Variants in EGFLAM observed in about 807,000 individuals in gnomAD.
EGFLAM encodes the protein EGF like, fibronectin type III and laminin G domains, also known as pikachurin.
EGFLAM carries 79 observed loss-of-function variants against 113.1 expected under a neutral mutation model. The ratio of observed to expected loss-of-function variants is 0.70; its 90% CI spans 0.58 to 0.84. EGFLAM has a LOEUF of 0.84. EGFLAM is among the 40% of genes least tolerant of loss of function. The pLI is 0.00. For synonymous variants in EGFLAM, 504 were observed against 487.6 expected, an observed-to-expected ratio of 1.03 and a Z score of -0.44; for missense variants, 1,265 against 1,291.6, an observed-to-expected ratio of 0.98 and a Z score of 0.32.
intron 16 of EGFLAM, 140 bp from the exon 17 acceptor site, chr5:38,438,135 A>AT (rs1179725796): frequency 1.3e-6 from 1 of 778,356 alleles, no homozygotes; most frequent in Non-Finnish European, 1.9e-6. Flanking sequence ...AAAAAAAAAA[A>AT]AAAAAGTGGA....
intron 1 of EGFLAM, among the ~76,000 whole-genome samples, chr5:38,313,128 A>G (rs1393020646): frequency 6.6e-6 from 1 of 152,188 alleles, no homozygotes; most frequent in Non-Finnish European, 1.5e-5. Flanking sequence ...TAAAATATAC[A>G]GAAAAGTAGA....
At chr5:38,287,896 A>G (rs1758206222) in intron 1 of EGFLAM, among the ~76,000 whole-genome samples, 1 of 152,224 alleles carries the variant, frequency 6.6e-6, no homozygotes, top group African/African-American at 2.4e-5. Flanking sequence ...TTATTTAATT[A>G]CCATATGCCA....
At chr5:38,451,593 T>C (rs1237441012) in intron 19 of EGFLAM, 135 bp downstream of exon 19, 1 of 1,288,198 alleles carries the variant, frequency 7.8e-7, no homozygotes, top group African/African-American at 1.5e-5. Context: ...TCAAGGCTTA[T>C]TGGAAGCTCC....
At chr5:38,260,406 T>A (rs1757470386) in intron 1 of EGFLAM, among the ~76,000 whole-genome samples, 1 of 152,246 alleles carries the variant, frequency 6.6e-6, no homozygotes, top group African/African-American at 2.4e-5. Flanking sequence ...AAAAGCATTT[T>A]ATAAAAACCT....
chr5:38,365,530 A>G (rs1022210140), intron 5 of EGFLAM, among the ~76,000 whole-genome samples: 4 of 152,220 alleles, frequency 2.6e-5, no homozygotes, highest in African/African-American at 7.2e-5. Context: ...TGGAAATGCC[A>G]TCTAAGGTAT....
chr5:38,401,325 G>C (rs1453518750), intron 6 of EGFLAM: 1 of 152,050 alleles, frequency 6.6e-6, no homozygotes, highest in African/African-American at 2.4e-5. Flanking sequence ...TTAGATACTT[G>C]ATGCCAAAAA....
chr5:38,400,945 A>G (rs1029046590), intron 6 of EGFLAM: 1 of 152,160 alleles, frequency 6.6e-6, no homozygotes, highest in Non-Finnish European at 1.5e-5. Flanking sequence ...TTGTGATTCC[A>G]TATTCCTTTT....
At chr5:38,420,508 T>C (rs142533981) in intron 12 of EGFLAM, among the ~76,000 whole-genome samples, 1 of 152,162 alleles carries the variant, frequency 6.6e-6, no homozygotes, top group African/African-American at 2.4e-5. Context: ...TGCAACTCAG[T>C]CTCCCCATCT....
intron 20 of EGFLAM, among the ~76,000 whole-genome samples, chr5:38,459,503 C>G (rs1034914104): frequency 1.3e-5 from 2 of 152,138 alleles, no homozygotes; most frequent in African/African-American, 4.8e-5. Flanking sequence ...AACATATTTT[C>G]AGAAACGAAA....
intron 17 of EGFLAM, chr5:38,445,760 A>G: frequency 6.4e-7 from 1 of 1,564,910 alleles, no homozygotes; most frequent in Non-Finnish European, 8.7e-7. Flanking sequence ...GGGCAGGCCA[A>G]CCGCATGCAG....
In EGFLAM at chr5:38,462,910, A is replaced by G; in HGVS notation, c.2774A>G (p.Asp925Gly). The stretch of plus-strand genomic sequence containing the variant: ...TTTTTTGTTTTGGTGTTTTGCAGGG[A>G]TGGCCAGTCAGGAAAGATAACCGTG... Reference protein sequence around the residue: ...GRWHRVKAVRDGQSGKITVDD... With the variant: ...GRWHRVKAVRGGQSGKITVDD... Residue 925 changes from aspartate to glycine, a missense_variant and splice_region_variant, in exon 21 of 22, where the codon GAT becomes GGT. Physicochemically the swap from Asp to Gly is moderately conservative, Grantham distance 94. Transcript: ENST00000322350. The G allele has an allele frequency of 6.2e-7, 1 of 1,614,070 alleles. No homozygotes were observed.
chr5:38,433,959 C>T (rs10065853), intron 15 of EGFLAM, among the ~76,000 whole-genome samples: 6,516 of 152,234 alleles, frequency 0.043, 197 homozygotes, highest in African/African-American at 0.082. Context: ...GGGGGCACTC[C>T]CTAAGATAAA....
chr5:38,462,623 G>A (rs751978491), intron 20 of EGFLAM: 6 of 334,936 alleles, frequency 1.8e-5, no homozygotes, highest in African/African-American at 1.3e-4. Context: ...GTCTAAGTTA[G>A]GCGCTGCTCC....
chr5:38,296,626 G>A (rs984311210), intron 1 of EGFLAM, among the ~76,000 whole-genome samples: 1 of 151,684 alleles, frequency 6.6e-6, no homozygotes, highest in East Asian at 1.9e-4. Flanking sequence ...GAGAGAAATA[G>A]GATAATTCAT....
chr5:38,447,773 AAAG>A (rs1158605666), intron 17 of EGFLAM, among the ~76,000 whole-genome samples: 1 of 152,052 alleles, frequency 6.6e-6, no homozygotes, highest in African/African-American at 2.4e-5. Flanking sequence ...AAAAAAAAAA[AAAG>A]ATCTTGTGAA....
At chr5:38,355,380 G>T (rs1015408062) in intron 5 of EGFLAM, among the ~76,000 whole-genome samples, 3 of 152,130 alleles carry the variant, frequency 2.0e-5, no homozygotes, top group Non-Finnish European at 2.9e-5. Context: ...AGAAGTGACA[G>T]GAGCACAGCA....
chr5:38,278,989 A>G (rs551783726), intron 1 of EGFLAM, among the ~76,000 whole-genome samples: 6 of 152,300 alleles, frequency 3.9e-5, no homozygotes, highest in African/African-American at 1.4e-4. Context: ...AATATCCAAA[A>G]TATATAAGGA....
chr5:38,311,209 T>C (rs942805257), intron 1 of EGFLAM, among the ~76,000 whole-genome samples: 4 of 152,210 alleles, frequency 2.6e-5, no homozygotes, highest in African/African-American at 9.7e-5. Context: ...TTATTTGTGG[T>C]GAGAACATTT....
intron 12 of EGFLAM, among the ~76,000 whole-genome samples, chr5:38,424,012 G>A (rs1335123626): frequency 6.6e-6 from 1 of 152,158 alleles, no homozygotes; most frequent in African/African-American, 2.4e-5. Flanking sequence ...GGGCAGCCTT[G>A]AAGACTGGGA....
Sources: allele counts gnomAD v4.1 joint callset (sites outside exome capture counted in the v4.1 genomes callset), GRCh38; gene constraint gnomAD v4.1.1; transcripts MANE v1.5; gene names NCBI Gene and HGNC (gene_info 2026-07-23, HGNC 2026-07-21).